TRPS1: variants seen among roughly 807,000 people sequenced by gnomAD.
TRPS1 encodes zinc finger transcription factor Trps1.
In TRPS1, 6 loss-of-function variants were observed where a neutral mutation model predicts 101.2. The observed-to-expected ratio is 0.06, with a 90% confidence interval of 0.03 to 0.12. TRPS1 has a LOEUF of 0.12. Ranked by LOEUF, TRPS1 falls within the 10% of genes least tolerant of loss-of-function variation. The probability of loss-of-function intolerance (pLI) is 1.00; values close to 1 mark genes in which losing one functional copy is unlikely to be tolerated. For synonymous variants in TRPS1, 578 were observed against 589.8 expected, an observed-to-expected ratio of 0.98 and a Z score of 0.29; for missense variants, 1,363 against 1,567.0, an observed-to-expected ratio of 0.87 and a Z score of 2.20.
chr8:115,472,855 TAA>T (rs1251789874), intron 5 of TRPS1, among the ~76,000 whole-genome samples: 1 of 152,210 alleles, frequency 6.6e-6, no homozygotes, highest in East Asian at 1.9e-4. Context: ...GTCTCTTTGC[TAA>T]AACACAGCAA....
In TRPS1 at chr8:115,604,408, T is replaced by C. The variant is rs754111466; in HGVS notation, c.1561A>G (p.Lys521Glu). The change falls in exon 4 of 7, where the codon AAG becomes GAG. Residue 521 changes from lysine (K) to glutamate (E), a missense_variant. This residue lies in a region of TRPS1 where 1,020 missense variants were observed against 1,073.0 expected (regional missense o/e 0.95). Transcript: ENST00000395715. The surrounding 1 kb of genome is among the most constrained non-coding windows in gnomAD (Gnocchi z 4.1). ...TDKSSSGAKK[K>E]DFSSKGAEDN... ...TCGGCTCCCTTGCTGGAGAAGTCCT[T>C]CTTTTTAGCCCCACTCGAGCTCTTG... is the stretch of plus-strand genomic sequence containing the variant. The C allele has an allele frequency of 1.2e-6, 2 of 1,614,072 alleles. No individual in the cohort carries two copies. The highest frequency in any genetic ancestry group is 1.7e-6 in the Non-Finnish European group (2 of 1,179,982).
intron 5 of TRPS1, among the ~76,000 whole-genome samples, chr8:115,556,076 G>A (rs1310404286): frequency 3.3e-5 from 5 of 152,040 alleles, no homozygotes; most frequent in Non-Finnish European, 5.9e-5. Flanking sequence ...GACACTAAGT[G>A]TGATTTCAAT....
intron 5 of TRPS1, among the ~76,000 whole-genome samples, chr8:115,486,768 T>C (rs1439254338): frequency 6.6e-6 from 1 of 152,188 alleles, no homozygotes; most frequent in Admixed American, 6.5e-5. Context: ...GTGAGGAAGC[T>C]GCAGAAGAAA....
At chr8:115,665,013 C>T (rs2130637204) in intron 1 of TRPS1, among the ~76,000 whole-genome samples, 1 of 152,200 alleles carries the variant, frequency 6.6e-6, no homozygotes, top group African/African-American at 2.4e-5. Flanking sequence ...GACACCTGCC[C>T]ATAACTTTCT....
intron 5 of TRPS1, among the ~76,000 whole-genome samples, chr8:115,504,792 C>T (rs1033292497): frequency 5.3e-5 from 8 of 152,048 alleles, no homozygotes; most frequent in Non-Finnish European, 7.4e-5. Context: ...TTTACAACAA[C>T]GATTCATTCT....
rs768438822 is a variant in TRPS1, at chr8:115,550,313, TG to T, written c.2700+36687del. Among the ~76,000 whole-genome samples the T allele has an allele frequency of 2.8e-4, 43 of 152,292 alleles. No individual in the cohort carries two copies. The Middle Eastern group carries it at 0.01, about 36-fold the overall frequency. ...AACAATAACAAAAGAGGGGCAGCTG[TG>T]GGCTATGATGCCAAAGCATTCCAGC... On this transcript the variant is annotated intron_variant, in intron 5 of 6. Transcript: ENST00000395715.
At chr8:115,453,043 A>G (rs2129935662) in intron 5 of TRPS1, among the ~76,000 whole-genome samples, 1 of 150,158 alleles carries the variant, frequency 6.7e-6, no homozygotes, top group African/African-American at 2.4e-5. Flanking sequence ...TTTTTTTGAG[A>G]TGGGTTCTCA....
chr8:115,574,987 A>G (rs1358127049), intron 5 of TRPS1, among the ~76,000 whole-genome samples: 3 of 152,146 alleles, frequency 2.0e-5, no homozygotes, highest in Non-Finnish European at 4.4e-5. Flanking sequence ...GGAAGCCAAG[A>G]AATAATACTG....
intron 5 of TRPS1, among the ~76,000 whole-genome samples, chr8:115,514,506 T>C (rs956188687): frequency 1.3e-5 from 2 of 151,658 alleles, no homozygotes; most frequent in Non-Finnish European, 3.0e-5. Flanking sequence ...GGAGAGTCCA[T>C]ATTCTCTTTT....
intron 5 of TRPS1, among the ~76,000 whole-genome samples, chr8:115,422,271 C>G (rs943660903): frequency 3.3e-5 from 5 of 152,098 alleles, no homozygotes; most frequent in Non-Finnish European, 7.3e-5. Flanking sequence ...TAAATGTCGT[C>G]CATTCAGGCT....
chr8:115,527,486 C>T (rs1370000571), intron 5 of TRPS1, among the ~76,000 whole-genome samples: 1 of 151,886 alleles, frequency 6.6e-6, no homozygotes, highest in Non-Finnish European at 1.5e-5. Flanking sequence ...CAACATCTTT[C>T]ATACTGAGTT....
rs1280221122 is a variant in TRPS1 at position 115,531,776 on chromosome 8, T to C, written c.2700+55225A>G. Among the ~76,000 whole-genome samples, 4 of 151,958 alleles carry C rather than the reference T, an allele frequency of 2.6e-5. No homozygotes were observed. The East Asian group carries it at 7.7e-4, about 29-fold the overall frequency. ...AGAGCCTTGTTTGGGAGGAATAACA[T>C]GGGCAGTCAAATAAAGACCAGTAAA... is the stretch of plus-strand genomic sequence containing the variant. On this transcript the variant is annotated intron_variant, in intron 5 of 6. Transcript: ENST00000395715.
chr8:115,426,272 G>A (rs1813184419), intron 5 of TRPS1, among the ~76,000 whole-genome samples: 1 of 152,018 alleles, frequency 6.6e-6, no homozygotes, highest in Admixed American at 6.6e-5. Context: ...CACAAGAGTT[G>A]ATTCTTCTAA....
chr8:115,501,754 A>G (rs1051665657), intron 5 of TRPS1, among the ~76,000 whole-genome samples: 3 of 152,148 alleles, frequency 2.0e-5, no homozygotes, highest in African/African-American at 7.2e-5. Flanking sequence ...CACATCTGGT[A>G]TCTTATCTTC....
intron 3 of TRPS1, among the ~76,000 whole-genome samples, chr8:115,616,251 T>C (rs1380069013): frequency 1.3e-5 from 2 of 152,234 alleles, no homozygotes; most frequent in East Asian, 3.8e-4. Flanking sequence ...TTGTAATTCT[T>C]TGACTTAGTC....
At chr8:115,426,946 A>G (rs535068886) in intron 5 of TRPS1, among the ~76,000 whole-genome samples, 60 of 152,086 alleles carry the variant, frequency 3.9e-4, no homozygotes, top group Non-Finnish European at 7.8e-4. Flanking sequence ...TCTGGTCTCT[A>G]AGTCTAGGCA....
At chr8:115,621,735 G>A (rs56122641) in intron 2 of TRPS1, among the ~76,000 whole-genome samples, 11,933 of 151,938 alleles carry the variant, frequency 0.079, 1,511 homozygotes, top group African/African-American at 0.26. Context: ...CCAACATGGC[G>A]AAATTCCATC....
At chr8:115,550,838 G>A (rs909859191) in intron 5 of TRPS1, among the ~76,000 whole-genome samples, 4 of 152,270 alleles carry the variant, frequency 2.6e-5, no homozygotes, top group Non-Finnish European at 4.4e-5. Context: ...AAACATTAGC[G>A]AGAATCAGTC....
In TRPS1 at chr8:115,646,161, C is replaced by T. The variant is rs534141069; in HGVS notation, c.-122+22384G>A. On this transcript the variant is annotated intron_variant, in intron 1 of 6. Coordinates refer to ENST00000395715, the MANE Select transcript of TRPS1 (RefSeq NM_014112.5). ...TTATTTATAGAAATAAATATTCAATCGTTTGACATTCACCAAACCTGTTTT... is the reference window on the plus strand; with the variant it reads ...TTATTTATAGAAATAAATATTCAATTGTTTGACATTCACCAAACCTGTTTT... Among the ~76,000 whole-genome samples, 10 of 152,228 alleles carry T rather than the reference C, an allele frequency of 6.6e-5. No individual in the cohort carries two copies. In the South Asian group the frequency reaches 1.7e-3, roughly 25 times the overall value.
Sources: gnomAD v4.1 joint callset for allele counts (sites outside exome capture counted in the v4.1 genomes callset) on GRCh38, gnomAD v4.1.1 for gene constraint, gnomAD v4.1.1 regional missense constraint, Gnocchi (gnomAD v3.1) non-coding constraint, MANE v1.5 for transcripts, NCBI Gene and HGNC (gene_info 2026-07-23, HGNC 2026-07-21) for gene names.